The following TMEM67 variants were observed in gnomAD, a reference collection of about 807,000 sequenced individuals.
TMEM67 encodes transmembrane protein 67.
Under a neutral mutation model 136.6 loss-of-function variants are expected in TMEM67, and 124 were observed. The observed-to-expected ratio is 0.91, with a 90% confidence interval of 0.78 to 1.05. The LOEUF (loss-of-function observed/expected upper bound fraction) is 1.05. Among genes scored for constraint, TMEM67 ranks in the 50% least tolerant of loss-of-function variants. TMEM67 has a pLI of 0.00. For missense variants in TMEM67, 1,107 were observed against 1,178.4 expected (o/e 0.94, Z 0.89); for synonymous variants, 364 against 390.5 (o/e 0.93, Z 0.80).
intron 2 of TMEM67, among the ~76,000 whole-genome samples, chr8:93,757,497 G>T (rs1221606980): frequency 6.6e-6 from 1 of 151,922 alleles, no homozygotes; most frequent in Admixed American, 6.6e-5. Context: ...TTAGCTGGAC[G>T]TGGTGGCACG....
At chr8:93,760,304 C>T (rs980760479) in intron 3 of TMEM67, among the ~76,000 whole-genome samples, 3 of 152,044 alleles carry the variant, frequency 2.0e-5, no homozygotes, top group Non-Finnish European at 4.4e-5. Context: ...CTTATGGATA[C>T]ACAGACTGAT....
In TMEM67 at chr8:93,786,202, TTTTTC is replaced by T. The variant is rs780230204; in HGVS notation, c.1289-16_1289-12del. 12 of 1,611,632 alleles carry T rather than the reference TTTTTC, an allele frequency of 7.4e-6. No homozygotes were observed. The highest frequency in any genetic ancestry group is 1.7e-6 in the Non-Finnish European group (2 of 1,179,160). On this transcript the variant is annotated splice_polypyrimidine_tract_variant and intron_variant, in intron 12 of 27. Transcript: ENST00000453321. ...ATGTTTTAAATTTGTGCAGTAAACT[TTTTTC>T]TTTTTATAATAAAAGACAGCAACTC...
At chr8:93,829,382 C>CTCTCTCTGTG in the TMEM67 span, among the ~76,000 whole-genome samples, 198 of 137,582 alleles carry the variant, frequency 1.4e-3, no homozygotes, top group African/African-American at 5.5e-3. Context: ...CTCTCTCTCT[C>CTCTCTCTGTG]TGTGTGTGTG....
In TMEM67 at chr8:93,808,913, A is replaced by C; in HGVS notation, c.2513A>C (p.Gln838Pro). ...GQTFEIAISN[Q>P]MRQHYDRIHE... ...ACTTTTGAGATTGCAATTTCTAACC[A>C]GATGAGACAACATTATGACAGAATT... The change falls in exon 24 of 28, where the codon CAG (glutamine) becomes CCG (proline). Residue 838 changes from glutamine to proline, a missense_variant. Around this residue, in one of 3 missense-constraint regions of TMEM67, gnomAD observed 925 missense variants for 1,002.4 expected, o/e 0.92. Transcript: ENST00000453321. The C allele has an allele frequency of 6.2e-7, 1 of 1,612,730 alleles. No individual in the cohort carries two copies.
At chr8:93,766,154 C>G (rs992160485) in intron 6 of TMEM67, among the ~76,000 whole-genome samples, 1 of 151,928 alleles carries the variant, frequency 6.6e-6, no homozygotes, top group African/African-American at 2.4e-5. Context: ...GATGGAGTCT[C>G]GCTCTGTTGC....
chr8:93,821,478 C>T (rs1337113751), downstream of TMEM67, among the ~76,000 whole-genome samples: 1 of 152,140 alleles, frequency 6.6e-6, no homozygotes, highest in South Asian at 2.1e-4. Context: ...GACAGAGTCT[C>T]ATTATGTTGC....
intron 16 of TMEM67, among the ~76,000 whole-genome samples, chr8:93,793,971 A>T (rs1814499679): frequency 1.3e-5 from 2 of 151,988 alleles, no homozygotes; most frequent in African/African-American, 4.8e-5. Flanking sequence ...GTTCACTTGC[A>T]ACCTCTGCCT....
At chr8:93,782,678 A>G (rs1256075417) in intron 11 of TMEM67, among the ~76,000 whole-genome samples, 1 of 147,434 alleles carries the variant, frequency 6.8e-6, no homozygotes, top group African/African-American at 2.5e-5. Context: ...GGTTCAAGTG[A>G]TTCTCCTGCC....
chr8:93,825,905 A>T, the TMEM67 span, among the ~76,000 whole-genome samples: 1 of 152,162 alleles, frequency 6.6e-6, no homozygotes, highest in Non-Finnish European at 1.5e-5. Flanking sequence ...CAGCCTTCTC[A>T]TACAAAGTTA....
chr8:93,791,626 C>T (rs1036789502), intron 15 of TMEM67, among the ~76,000 whole-genome samples: 1 of 152,106 alleles, frequency 6.6e-6, no homozygotes, highest in Non-Finnish European at 1.5e-5. Context: ...GTGACAGATT[C>T]TTAGTCTTTC....
rs751517725 is a variant in TMEM67, at chr8:93,803,652, C to G, written c.2290C>G (p.Arg764Gly). The G allele has an allele frequency of 6.2e-7, 1 of 1,603,308 alleles. No individual in the cohort carries two copies. Among genetic ancestry groups the G allele is most frequent in the Non-Finnish European group, 8.5e-7 (1 of 1,170,660 alleles). Residue 764 changes from arginine (R) to glycine (G), a missense_variant, in exon 22 of 28, where the codon CGA (arginine) becomes GGA (glycine). Arg to Gly is a moderately radical substitution (Grantham distance 125, BLOSUM62 -2). Around this residue, in one of 3 missense-constraint regions of TMEM67, gnomAD observed 925 missense variants for 1,002.4 expected, o/e 0.92. Coordinates refer to ENST00000453321, the MANE Select transcript of TMEM67 (RefSeq NM_153704.6). ...TGAGAGATTTATAGAAGATAAAATT[C>G]GACAGTTCGTTGATTTATGCTCTAT... ...FYERFIEDKI[R>G]QFVDLCSMSN...
chr8:93,809,957 A>ATT, intron 26 of TMEM67, 70 bp downstream of exon 26: 1 of 956,706 alleles, frequency 1.0e-6, no homozygotes, highest in South Asian at 1.6e-5. Context: ...GCTTGTAGAT[A>ATT]TTTTTCTTTT....
intron 6 of TMEM67, among the ~76,000 whole-genome samples, chr8:93,767,547 G>A (rs2130596562): frequency 6.6e-6 from 1 of 152,192 alleles, no homozygotes; most frequent in Admixed American, 6.5e-5. Flanking sequence ...CTATTGTAAG[G>A]AAGAACTATC....
chr8:93,799,709 T>C lies in TMEM67; in HGVS notation c.2192T>C (p.Leu731Ser). ...TACATAGCTCCTTATAGCTGCATTT[T>C]GAGATATGCAGTGTCTGCTGCTCTT... is the stretch of plus-strand genomic sequence containing the variant. ...PSYIAPYSCI[L>S]RYAVSAALWL... The change falls in exon 21 of 28, where the codon TTG becomes TCG. Residue 731 changes from leucine (L) to serine (S), a missense_variant. Leu to Ser is a moderately radical substitution (Grantham distance 145). This residue lies in a region of TMEM67 where 925 missense variants were observed against 1,002.4 expected (regional missense o/e 0.92). Coordinates refer to ENST00000453321, the MANE Select transcript of TMEM67 (RefSeq NM_153704.6). 6.2e-7 allele frequency: 1 copy of C among 1,613,388 alleles called. No individual in the cohort carries two copies. Among genetic ancestry groups the C allele is most frequent in the South Asian group, 1.1e-5 (1 of 91,074 alleles).
intron 13 of TMEM67, 46 bp downstream of exon 13, chr8:93,786,392 G>A (rs762059299): frequency 1.9e-5 from 30 of 1,597,448 alleles, no homozygotes; most frequent in Non-Finnish European, 2.6e-5. Context: ...ATATCATAAT[G>A]GAAGTGTTTG....
chr8:93,780,154 C>T lies in TMEM67; in HGVS notation c.715-439C>T, dbSNP rs1185948558. Among the ~76,000 whole-genome samples, 9 of 151,460 alleles carry T rather than the reference C, an allele frequency of 5.9e-5. No individual in the cohort carries two copies. In the Admixed American group the frequency reaches 6.0e-4, roughly 10 times the overall value. On this transcript the variant is annotated intron_variant, in intron 7 of 27. Coordinates refer to ENST00000453321, the MANE Select transcript of TMEM67 (RefSeq NM_153704.6). The stretch of plus-strand genomic sequence containing the variant: ...AGCTGTGCTAGCAGTGAGCAAGGCT[C>T]TGTAGGCGTGGGACCCACCGAGCCA...
Position 93,809,111 on chromosome 8 carries a change from A to G in TMEM67, c.2611A>G (p.Ile871Val). ...ATCAGCAAGTACTTTTGAGCAGAGT[A>G]TAAAAGCATATCATATGATGAATAA... is the stretch of plus-strand genomic sequence containing the variant. ...SSSASTFEQS[I>V]KAYHMMNKFL... The change falls in exon 25 of 28, where the codon ATA (isoleucine) becomes GTA (valine). Residue 871 changes from isoleucine to valine, a missense_variant. Physicochemically the swap from Ile to Val is conservative, Grantham distance 29 (BLOSUM62 3). Around this residue, in one of 3 missense-constraint regions of TMEM67, gnomAD observed 925 missense variants for 1,002.4 expected, o/e 0.92. Coordinates refer to ENST00000453321, the MANE Select transcript of TMEM67 (RefSeq NM_153704.6). The G allele has an allele frequency of 3.1e-6, 5 of 1,610,614 alleles. No homozygotes were observed. Among genetic ancestry groups the G allele is most frequent in the East Asian group, 2.2e-5 (1 of 44,752 alleles).
chr8:93,807,498 G>T (rs1330288761), intron 23 of TMEM67, among the ~76,000 whole-genome samples: 1 of 151,956 alleles, frequency 6.6e-6, no homozygotes, highest in Non-Finnish European at 1.5e-5. Flanking sequence ...AAGTGAAAAA[G>T]GAGTCATTGT....
chr8:93,791,484 A>G (rs1190278896), intron 15 of TMEM67, among the ~76,000 whole-genome samples, 165 bp downstream of exon 15: 3 of 152,226 alleles, frequency 2.0e-5, no homozygotes, highest in East Asian at 1.9e-4. Flanking sequence ...CTGGAAATTA[A>G]TATTGATGTA....
Sources: allele counts gnomAD v4.1 joint callset (sites outside exome capture counted in the v4.1 genomes callset), GRCh38; gene constraint gnomAD v4.1.1; regional missense constraint gnomAD v4.1.1; transcripts MANE v1.5; gene names NCBI Gene and HGNC (gene_info 2026-07-23, HGNC 2026-07-21).